APCDD1: variants seen among roughly 807,000 people sequenced by gnomAD.
APCDD1 encodes the protein protein APCDD1.
In APCDD1, 15 loss-of-function variants were observed where a neutral mutation model predicts 38.1. That is an observed-to-expected ratio of 0.39 (90% CI 0.26 to 0.61). The LOEUF is 0.61. Among genes scored for constraint, APCDD1 ranks in the 20% least tolerant of loss-of-function variants. The probability of loss-of-function intolerance (pLI) is 0.49; values close to 1 mark genes in which losing one functional copy is unlikely to be tolerated. For synonymous variants in APCDD1, 261 were observed against 279.7 expected (o/e 0.93, Z 0.67); for missense variants, 647 against 696.2 (o/e 0.93, Z 0.79).
rs73390617 is a variant in APCDD1, at chr18:10,478,301, A to C, written c.774+6240A>C. 8.2e-3 allele frequency among the ~76,000 whole-genome samples: 1,245 copies of C among 152,318 alleles called. 28 individuals are homozygous for C. The highest frequency in any genetic ancestry group is 0.028 in the African/African-American group (1,159 of 41,564). On this transcript the variant is annotated intron_variant, in intron 3 of 4. Transcript: ENST00000355285. ...CCCCTGGCACCACAGAGGTGCCTGC[A>C]TCCTGGCAGGGATGACGCAGCTGCA... is the stretch of plus-strand genomic sequence containing the variant.
intron 3 of APCDD1, among the ~76,000 whole-genome samples, chr18:10,483,153 C>A (rs145611480): frequency 1.3e-5 from 2 of 152,330 alleles, no homozygotes; most frequent in East Asian, 3.9e-4. Flanking sequence ...GTGAAGCGGC[C>A]GGGGCTGGCC....
At chr18:10,477,464 T>C (rs887955384) in intron 3 of APCDD1, 1 of 152,246 alleles carries the variant, frequency 6.6e-6, no homozygotes, top group Non-Finnish European at 1.5e-5. Context: ...AGGCTGCTGA[T>C]AGACACTTCT....
chr18:10,455,180 G>A, intron 1 of APCDD1, 141 bp downstream of exon 1: 1 of 1,374,924 alleles, frequency 7.3e-7, no homozygotes, highest in South Asian at 1.5e-5. Context: ...GGAGCCCCGC[G>A]CCTGCCGTCT....
intron 1 of APCDD1, among the ~76,000 whole-genome samples, chr18:10,456,423 A>G (rs1361028874): frequency 6.6e-6 from 1 of 152,230 alleles, no homozygotes; most frequent in African/African-American, 2.4e-5. Flanking sequence ...CCACACACAC[A>G]AGAAACAAAA....
rs553604068 is a variant in APCDD1, at chr18:10,472,850, A to G, written c.774+789A>G. Reference sequence around the variant, plus strand: ...CAAGGCATTTCCTTCCCACAAGCTTAGAGTACACGTCCATGTGTAACTCGA... The same window carrying G: ...CAAGGCATTTCCTTCCCACAAGCTTGGAGTACACGTCCATGTGTAACTCGA... On this transcript the variant is annotated intron_variant, in intron 3 of 4. Coordinates refer to ENST00000355285, the MANE Select transcript of APCDD1 (RefSeq NM_153000.5). The surrounding 1 kb of genome is among the most constrained non-coding windows in gnomAD (Gnocchi z 6.6). Among the ~76,000 whole-genome samples, 7 of 152,338 alleles carry G rather than the reference A, an allele frequency of 4.6e-5. No homozygotes were observed. Among genetic ancestry groups the G allele is most frequent in the Admixed American group, 4.6e-4 (7 of 15,298 alleles).
At position 10,467,278 on chromosome 18, in the gene APCDD1, G is replaced by A. The variant is rs1290991576; in HGVS notation, c.59-1191G>A. ...TCAGAAACCGTGCCTTCTCTATGAA[G>A]CTATTTATGTGTTGATTAAAAAATA... On this transcript the variant is annotated intron_variant, in intron 1 of 4. Transcript: ENST00000355285. The surrounding 1 kb of genome is among the most constrained non-coding windows in gnomAD (Gnocchi z 4.8). Among the ~76,000 whole-genome samples, 2 of 152,086 alleles carry A rather than the reference G, an allele frequency of 1.3e-5. No homozygotes were observed. The highest frequency in any genetic ancestry group is 2.9e-5 in the Non-Finnish European group (2 of 68,026).
At chr18:10,458,396 G>A (rs1381073220) in intron 1 of APCDD1, among the ~76,000 whole-genome samples, 2 of 152,136 alleles carry the variant, frequency 1.3e-5, no homozygotes, top group Non-Finnish European at 2.9e-5. Flanking sequence ...TTTATACAGG[G>A]TAAAATAGAA....
At chr18:10,479,940 AT>A (rs1198996910) in intron 3 of APCDD1, among the ~76,000 whole-genome samples, 2 of 152,018 alleles carry the variant, frequency 1.3e-5, no homozygotes, top group Non-Finnish European at 2.9e-5. Flanking sequence ...AACAAGTTTA[AT>A]TTTTTTTCCA....
intron 1 of APCDD1, among the ~76,000 whole-genome samples, chr18:10,461,855 A>G (rs1338364108): frequency 2.0e-5 from 3 of 152,142 alleles, no homozygotes; most frequent in Admixed American, 6.5e-5. Flanking sequence ...ACTAATCAAA[A>G]TGTTGACATT....
intron 4 of APCDD1, among the ~76,000 whole-genome samples, chr18:10,486,164 C>A (rs912684285): frequency 6.6e-6 from 1 of 152,146 alleles, no homozygotes; most frequent in African/African-American, 2.4e-5. Flanking sequence ...CCAGCCTGGG[C>A]AACATAGTGA....
intron 3 of APCDD1, chr18:10,477,099 G>A (rs678715): frequency 6.6e-6 from 1 of 152,232 alleles, no homozygotes; most frequent in African/African-American, 2.4e-5. Flanking sequence ...TGCGTCTCTG[G>A]GGTATAGAAG....
Position 10,487,675 on chromosome 18 carries a change from C to T in APCDD1, c.1182C>T (p.Gly394=). The part of the protein sequence containing the change: ...VFNGNECGAE[G]SWQVGIQQDV... ...ACGGGAATGAGTGCGGGGCCGAGGG[C>T]TCCTGGCAGGTGGGCATCCAGCAGG... The change falls in exon 5 of 5, where the codon GGC becomes GGT. Residue 394 remains glycine (G), a synonymous_variant. Transcript: ENST00000355285. 1.2e-6 allele frequency: 2 copies of T among 1,614,196 alleles called. No individual in the cohort carries two copies. The highest frequency in any genetic ancestry group is 1.7e-6 in the Non-Finnish European group (2 of 1,180,048).
Position 10,469,284 on chromosome 18 carries a change from C to T in APCDD1, c.242+632C>T, listed in dbSNP as rs1256343148. 6.6e-6 allele frequency among the ~76,000 whole-genome samples: 1 copy of T among 152,122 alleles called. No individual in the cohort carries two copies. Among genetic ancestry groups the T allele is most frequent in the Non-Finnish European group, 1.5e-5 (1 of 68,022 alleles). On this transcript the variant is annotated intron_variant, in intron 2 of 4. Coordinates refer to ENST00000355285, the MANE Select transcript of APCDD1 (RefSeq NM_153000.5). The surrounding 1 kb of genome is among the most constrained non-coding windows in gnomAD (Gnocchi z 5.5). ...AACTCTGGGATCTGATCACTTCTCC[C>T]TGTGCGCTGTTCCCGGGATATGGAT...
intron 3 of APCDD1, among the ~76,000 whole-genome samples, chr18:10,479,483 CAG>C (rs1279242089): frequency 6.6e-6 from 1 of 151,950 alleles, no homozygotes; most frequent in Non-Finnish European, 1.5e-5. Flanking sequence ...CAGAAATAAA[CAG>C]TGGCAGGGAA....
intron 4 of APCDD1, among the ~76,000 whole-genome samples, chr18:10,486,384 C>T (rs1011524462): frequency 9.9e-5 from 15 of 152,132 alleles, no homozygotes; most frequent in African/African-American, 3.6e-4. Context: ...CTCAAGTCTG[C>T]ACTTTGTGTT....
Position 10,485,787 on chromosome 18 carries a change from G to C in APCDD1, c.1096+4G>C, listed in dbSNP as rs756242158. Reference sequence around the variant, plus strand: ...GGCACCGAGTTCGTGTTCAAAGGTAGGATTCCCATCTCAAGTCCCAGTATC... The same window carrying C: ...GGCACCGAGTTCGTGTTCAAAGGTACGATTCCCATCTCAAGTCCCAGTATC... On this transcript the variant is annotated splice_donor_region_variant and intron_variant, in intron 4 of 4. Transcript: ENST00000355285. This position sits in a 1 kb window ranked among gnomAD's most constrained non-coding sequence, Gnocchi z 5.8. 7 of 1,611,666 alleles carry C rather than the reference G, an allele frequency of 4.3e-6. No homozygotes were observed. Among genetic ancestry groups the C allele is most frequent in the Non-Finnish European group, 5.9e-6 (7 of 1,179,994 alleles).
chr18:10,487,552 C>G (rs766352109), intron 4 of APCDD1, 38 bp from the exon 5 acceptor site: 1 of 1,605,802 alleles, frequency 6.2e-7, no homozygotes, highest in East Asian at 2.2e-5. Context: ...CCCACGCCTA[C>G]TCCCTGGAGT....
At position 10,467,176 on chromosome 18, in the gene APCDD1, T is replaced by G. The variant is rs1198226893; in HGVS notation, c.59-1293T>G. Among the ~76,000 whole-genome samples, 1 of 152,222 alleles carries G rather than the reference T, an allele frequency of 6.6e-6. No individual in the cohort carries two copies. The highest frequency in any genetic ancestry group is 1.5e-5 in the Non-Finnish European group (1 of 68,042). ...GAAGTTACCATCCTGCAGGTCTCAGTTTATCCAGGTAGATTTTCGTCATGT... is the reference window on the plus strand; with the variant it reads ...GAAGTTACCATCCTGCAGGTCTCAGGTTATCCAGGTAGATTTTCGTCATGT... On this transcript the variant is annotated intron_variant, in intron 1 of 4. Coordinates refer to ENST00000355285, the MANE Select transcript of APCDD1 (RefSeq NM_153000.5). The surrounding 1 kb of genome is among the most constrained non-coding windows in gnomAD (Gnocchi z 4.8).
intron 3 of APCDD1, chr18:10,477,589 G>A (rs1353376412): frequency 2.0e-5 from 3 of 152,172 alleles, no homozygotes; most frequent in Non-Finnish European, 2.9e-5. Context: ...TGTTGTCAGG[G>A]ACAATGCAAG....
Sources: gnomAD v4.1 joint callset for allele counts (sites outside exome capture counted in the v4.1 genomes callset) on GRCh38, gnomAD v4.1.1 for gene constraint, Gnocchi (gnomAD v3.1) non-coding constraint, MANE v1.5 for transcripts, NCBI Gene and HGNC (gene_info 2026-07-23, HGNC 2026-07-21) for gene names.